USP50: variants seen among roughly 807,000 people sequenced by gnomAD.
USP50 encodes the protein ubiquitin carboxyl-terminal hydrolase 50.
A neutral mutation model predicts 39.2 loss-of-function variants in USP50; 37 were observed. That is an observed-to-expected ratio of 0.94 (90% CI 0.73 to 1.24). USP50 has a LOEUF of 1.24. Ranked by LOEUF, USP50 falls within the 50% of genes most tolerant of loss-of-function variation. The pLI, the probability that USP50 is intolerant of heterozygous loss-of-function variation, is 0.00. For missense variants in USP50, 374 were observed against 398.2 expected (o/e 0.94, Z 0.52); for synonymous variants, 139 against 144.5 (o/e 0.96, Z 0.27).
chr15:50,500,109 A>C (rs1368957096), downstream of USP50: 1 of 152,204 alleles, frequency 6.6e-6, no homozygotes, highest in African/African-American at 2.4e-5. Context: ...AGATTCTAAA[A>C]GTGCTTCAGA....
intron 1 of USP50, among the ~76,000 whole-genome samples, chr15:50,495,485 G>GGT (rs2052358045): frequency 1.0e-5 from 1 of 98,660 alleles, no homozygotes; most frequent in Non-Finnish European, 2.3e-5. Flanking sequence ...GTAGAGATTG[G>GGT]AGGGGGGGGT....
At chr15:50,499,784 C>A (rs909740054), downstream of USP50, 1 of 151,882 alleles carries the variant, frequency 6.6e-6, no homozygotes. Context: ...TAATTTATAA[C>A]CCTGTGGGTG....
intron 1 of USP50, among the ~76,000 whole-genome samples, chr15:50,545,868 G>A (rs1379474881): frequency 6.6e-6 from 1 of 151,414 alleles, no homozygotes; most frequent in Non-Finnish European, 1.5e-5. Context: ...ATGGTTGTGA[G>A]GATTATGCAG....
intron 6 of USP50, among the ~76,000 whole-genome samples, chr15:50,520,746 G>C (rs1374253230): frequency 6.6e-6 from 1 of 152,098 alleles, no homozygotes; most frequent in Non-Finnish European, 1.5e-5. Flanking sequence ...AACAAATGTT[G>C]CATGTTCTCA....
At position 50,525,696 on chromosome 15, in the gene USP50, TGTA is replaced by T. The variant is rs1277022501; in HGVS notation, c.936+4098_936+4100del. Among the ~76,000 whole-genome samples, 257 of 109,386 alleles carry T rather than the reference TGTA, an allele frequency of 2.3e-3. 3 individuals carry two copies. The highest frequency in any genetic ancestry group is 4.7e-3 in the African/African-American group (135 of 28,812). The allele number at this position is 109,386 out of a possible 152,430, so 71.8% of individuals were successfully genotyped here. The stretch of plus-strand genomic sequence containing the variant: ...TATATATGTATATTATATATGTATA[TGTA>T]TATATATGTATATATGTATATGTAT... On this transcript the variant is annotated intron_variant, in intron 6 of 6. Coordinates refer to ENST00000532404, the MANE Select transcript of USP50 (RefSeq NM_203494.5).
intron 5 of USP50, among the ~76,000 whole-genome samples, chr15:50,538,069 G>A (rs2052996209): frequency 6.6e-6 from 1 of 151,238 alleles, no homozygotes; most frequent in Admixed American, 6.6e-5. Flanking sequence ...GAGGTCAAGA[G>A]ATCAGACCAT....
At chr15:50,523,258 A>G (rs1024940757) in intron 6 of USP50, among the ~76,000 whole-genome samples, 1 of 143,114 alleles carries the variant, frequency 7.0e-6, no homozygotes, top group Admixed American at 7.7e-5. Context: ...AGCTCACTGC[A>G]GCCTCAACCT....
At chr15:50,503,095 C>G (rs2052613848) in intron 6 of USP50, 1 of 152,284 alleles carries the variant, frequency 6.6e-6, no homozygotes, top group African/African-American at 2.4e-5. Flanking sequence ...CGCCTGTAAT[C>G]CCAGCACTTT....
chr15:50,526,867 C>T (rs2052902231), intron 6 of USP50, among the ~76,000 whole-genome samples: 1 of 152,322 alleles, frequency 6.6e-6, no homozygotes, highest in Non-Finnish European at 1.5e-5. Context: ...GGGAATAATA[C>T]AGAGTGCCTA....
chr15:50,512,544 T>G (rs1200183367), intron 6 of USP50: 1 of 152,500 alleles, frequency 6.6e-6, no homozygotes, highest in Non-Finnish European at 1.5e-5. Context: ...TCCCAGCACT[T>G]TGGGAGGCCC....
At chr15:50,497,238 G>C (rs746693019), downstream of USP50, 1 of 1,595,406 alleles carries the variant, frequency 6.3e-7, no homozygotes, top group African/African-American at 1.4e-5. Context: ...AACGGTAAAG[G>C]GGAAAGTTTG....
chr15:50,495,223 A>T (rs1236442973), intron 1 of USP50, among the ~76,000 whole-genome samples: 2 of 134,012 alleles, frequency 1.5e-5, no homozygotes, highest in Non-Finnish European at 3.3e-5. Context: ...CCTACACAAA[A>T]ATATTTGTGT....
chr15:50,541,840 C>T (rs2053032115), intron 3 of USP50, among the ~76,000 whole-genome samples: 1 of 152,114 alleles, frequency 6.6e-6, no homozygotes, highest in Admixed American at 6.5e-5. Flanking sequence ...ATTAAGAAAT[C>T]CAATCTTTCC....
intron 6 of USP50, chr15:50,503,350 C>T (rs78444615): frequency 6.6e-6 from 1 of 152,330 alleles, no homozygotes; most frequent in Non-Finnish European, 1.5e-5. Flanking sequence ...AATTTAACAA[C>T]AGTATGGTGT....
chr15:50,511,305 C>A (rs961334311), intron 6 of USP50: 2 of 152,104 alleles, frequency 1.3e-5, no homozygotes, highest in Admixed American at 6.6e-5. Context: ...GAAACTGGAA[C>A]CTTAGTTCCA....
At chr15:50,533,568 G>A (rs2052958218) in intron 5 of USP50, among the ~76,000 whole-genome samples, 1 of 152,094 alleles carries the variant, frequency 6.6e-6, no homozygotes, top group Non-Finnish European at 1.5e-5. Flanking sequence ...AAAAAATATT[G>A]AAAGTGTTAA....
At chr15:50,544,088 G>A (rs183683218) in intron 2 of USP50, 7,937 of 363,966 alleles carry the variant, frequency 0.022, 115 homozygotes, top group Non-Finnish European at 0.03. Flanking sequence ...AGCACTTTGG[G>A]GGGCCGAGGT....
chr15:50,507,273 ACT>A (rs1278733473), intron 6 of USP50: 1 of 152,476 alleles, frequency 6.6e-6, no homozygotes, highest in African/African-American at 2.4e-5. Flanking sequence ...ACAGAGTGAG[ACT>A]CTGTCTCTAA....
At chr15:50,528,097 G>A (rs2052913136) in intron 6 of USP50, among the ~76,000 whole-genome samples, 1 of 139,906 alleles carries the variant, frequency 7.1e-6, no homozygotes, top group Non-Finnish European at 1.5e-5. Context: ...TAGAGATGGG[G>A]TTTTGCCATG....
Sources: gnomAD v4.1 joint callset for allele counts (sites outside exome capture counted in the v4.1 genomes callset) on GRCh38, gnomAD v4.1.1 for gene constraint, MANE v1.5 for transcripts, NCBI Gene and HGNC (gene_info 2026-07-23, HGNC 2026-07-21) for gene names.